NRXN3: variants seen among roughly 807,000 people sequenced by gnomAD.
NRXN3 encodes the protein neurexin 3, also known as neurexin III.
In NRXN3, 32 loss-of-function variants were observed where a neutral mutation model predicts 137.6. The ratio of observed to expected loss-of-function variants is 0.23; its 90% confidence interval spans 0.18 to 0.31. The LOEUF is 0.31. Among genes scored for constraint, NRXN3 ranks in the 10% least tolerant of loss-of-function variants. The pLI is 1.00. For synonymous variants in NRXN3, 798 were observed against 784.5 expected (o/e 1.02, Z -0.29); for missense variants, 1,574 against 2,062.5 (o/e 0.76, Z 4.59).
At chr14:79,682,767 T>C (rs1771813877) in intron 17 of NRXN3, among the ~76,000 whole-genome samples, 1 of 152,060 alleles carries the variant, frequency 6.6e-6, no homozygotes, top group African/African-American at 2.4e-5. Flanking sequence ...ATGGGCTCCT[T>C]CTCTCAAATT....
chr14:78,518,836 C>G (rs759415513), intron 4 of NRXN3, among the ~76,000 whole-genome samples: 2 of 152,048 alleles, frequency 1.3e-5, no homozygotes, highest in Non-Finnish European at 2.9e-5. Context: ...GAACAAAGAA[C>G]TACTCGTTCT....
At chr14:78,199,314 C>G (rs145987134) in intron 1 of NRXN3, among the ~76,000 whole-genome samples, 14 of 152,218 alleles carry the variant, frequency 9.2e-5, no homozygotes, top group South Asian at 2.1e-4. Flanking sequence ...CCCCTCCCCC[C>G]CCACACCCAA....
intron 6 of NRXN3, among the ~76,000 whole-genome samples, chr14:78,687,893 T>C (rs2098137558): frequency 6.6e-6 from 1 of 152,218 alleles, no homozygotes. Flanking sequence ...GACAAAGGAC[T>C]AGAGCCTACT....
intron 15 of NRXN3, among the ~76,000 whole-genome samples, chr14:78,990,538 A>AT (rs1262167202): frequency 3.3e-5 from 5 of 151,622 alleles, no homozygotes; most frequent in African/African-American, 1.2e-4. Context: ...CGCTCAGCTA[A>AT]TTTTTTGTAT....
intron 10 of NRXN3, among the ~76,000 whole-genome samples, chr14:78,833,068 A>C (rs886626670): frequency 6.6e-6 from 1 of 152,178 alleles, no homozygotes; most frequent in Non-Finnish European, 1.5e-5. Context: ...AGGCTCCTCT[A>C]TTCCCCATGC....
chr14:79,790,528 C>T (rs973534812), intron 19 of NRXN3, among the ~76,000 whole-genome samples: 1 of 150,538 alleles, frequency 6.6e-6, no homozygotes, highest in African/African-American at 2.4e-5. Context: ...AGGCTGGTCT[C>T]AAACTTCTGA....
chr14:79,717,286 G>A (rs1254846822), intron 19 of NRXN3, among the ~76,000 whole-genome samples: 1 of 152,206 alleles, frequency 6.6e-6, no homozygotes, highest in East Asian at 1.9e-4. Flanking sequence ...GACTCCAAAA[G>A]AACCTTTTCT....
rs187542501 is a variant in NRXN3 at position 79,471,255 on chromosome 14, T to C, written c.3444+3853T>C. ...AAATAGGCTTCATCTTGCCTGAAAA[T>C]TCTCAGTGCCTCACTCTCTCTCTTC... On this transcript the variant is annotated intron_variant, in intron 16 of 20. Coordinates refer to ENST00000335750, the MANE Select transcript of NRXN3 (RefSeq NM_001330195.2). 5.9e-5 allele frequency among the ~76,000 whole-genome samples: 9 copies of C among 152,034 alleles called. No homozygotes were observed. In the East Asian group the frequency reaches 1.4e-3, roughly 23 times the overall value.
chr14:78,241,699 T>C (rs2067105701), intron 1 of NRXN3, among the ~76,000 whole-genome samples: 1 of 152,052 alleles, frequency 6.6e-6, no homozygotes, highest in Non-Finnish European at 1.5e-5. Context: ...GGGAAGAGGC[T>C]ATTATTTTCT....
chr14:79,674,162 A>AT (rs760123013), intron 17 of NRXN3, among the ~76,000 whole-genome samples: 5 of 152,098 alleles, frequency 3.3e-5, no homozygotes, highest in Admixed American at 6.6e-5. Flanking sequence ...AACAATGCCA[A>AT]TAAGCTCTGC....
chr14:79,158,269 C>T lies in NRXN3; in HGVS notation c.3262+170128C>T, dbSNP rs150353695. ...AAAGTCTCTGCTAAGGCACCTCACACCTTTCTAAATCACATAAGTTATAAC... is the reference window on the plus strand; with the variant it reads ...AAAGTCTCTGCTAAGGCACCTCACATCTTTCTAAATCACATAAGTTATAAC... On this transcript the variant is annotated intron_variant, in intron 15 of 20. Transcript: ENST00000335750. 4.1e-4 allele frequency among the ~76,000 whole-genome samples: 62 copies of T among 151,902 alleles called. No homozygotes were observed. In the East Asian group the frequency reaches 5.8e-3, roughly 14 times the overall value.
At chr14:79,138,733 C>A (rs1004706486) in intron 15 of NRXN3, among the ~76,000 whole-genome samples, 1 of 152,198 alleles carries the variant, frequency 6.6e-6, no homozygotes, top group Admixed American at 6.5e-5. Context: ...TTGCCTGAAA[C>A]ATCAGGCTAA....
At chr14:78,964,634 A>G (rs911520859) in intron 11 of NRXN3, among the ~76,000 whole-genome samples, 1 of 152,204 alleles carries the variant, frequency 6.6e-6, no homozygotes, top group Non-Finnish European at 1.5e-5. Flanking sequence ...AGAGGACAGG[A>G]AGAAAGAATT....
At chr14:78,679,590 G>C (rs1259554051) in intron 6 of NRXN3, among the ~76,000 whole-genome samples, 1 of 152,054 alleles carries the variant, frequency 6.6e-6, no homozygotes. Context: ...TAAGTGTATT[G>C]AAATTTCTCT....
chr14:79,083,225 C>T (rs2047404937), intron 15 of NRXN3, among the ~76,000 whole-genome samples: 1 of 152,156 alleles, frequency 6.6e-6, no homozygotes, highest in African/African-American at 2.4e-5. Context: ...CATTCCATTG[C>T]CAGTCACTCT....
chr14:79,164,377 A>T (rs538014029), intron 15 of NRXN3, among the ~76,000 whole-genome samples: 3 of 152,128 alleles, frequency 2.0e-5, no homozygotes, highest in South Asian at 4.1e-4. Context: ...ATGCTTACAT[A>T]TATCCTTCCT....
chr14:78,469,696 C>T (rs774497628), intron 4 of NRXN3, among the ~76,000 whole-genome samples: 13 of 152,156 alleles, frequency 8.5e-5, no homozygotes, highest in Non-Finnish European at 1.0e-4. Context: ...GGAAATCGCC[C>T]TGAAAAGCTC....
chr14:79,487,785 C>A (rs1021163814), intron 16 of NRXN3, among the ~76,000 whole-genome samples: 1 of 152,102 alleles, frequency 6.6e-6, no homozygotes, highest in African/African-American at 2.4e-5. Context: ...CTCCAGCTTT[C>A]GGTATCAGGG....
chr14:79,800,046 G>A (rs1010199876), intron 19 of NRXN3, among the ~76,000 whole-genome samples: 1 of 152,142 alleles, frequency 6.6e-6, no homozygotes, highest in Admixed American at 6.5e-5. Context: ...ATTATTTGGT[G>A]GGTGGTCATA....
Sources: allele counts gnomAD v4.1 joint callset (sites outside exome capture counted in the v4.1 genomes callset), GRCh38; gene constraint gnomAD v4.1.1; transcripts MANE v1.5; gene names NCBI Gene and HGNC (gene_info 2026-07-23, HGNC 2026-07-21).